Variants in FHIT observed in about 807,000 individuals in gnomAD.
FHIT encodes the protein bis(5'-adenosyl)-triphosphatase.
FHIT carries 19 observed loss-of-function variants against 17.9 expected under a neutral mutation model. The ratio of observed to expected loss-of-function variants is 1.06; its 90% CI spans 0.74 to 1.56. FHIT has a LOEUF of 1.56. Among genes scored for constraint, FHIT ranks in the 40% most tolerant of loss-of-function variants. The pLI is 0.00. For synonymous variants in FHIT, 81 were observed against 69.7 expected (o/e 1.16, Z -0.81); for missense variants, 248 against 189.2 (o/e 1.31, Z -1.82).
chr3:60,546,762 G>T (rs2036380179), intron 4 of FHIT, among the ~76,000 whole-genome samples: 1 of 152,146 alleles, frequency 6.6e-6, no homozygotes, highest in East Asian at 1.9e-4. Context: ...AGAATTCACT[G>T]AACCTTCTAA....
rs57916294 is a variant in FHIT at position 61,093,244 on chromosome 3, G to GGAGA, written c.-163-51149_-163-51146dup. The stretch of plus-strand genomic sequence containing the variant: ...GATAAACGTTTATAATTCTATGTAT[G>GGAGA]GAGAGAGAGAGAGAGAGACTGAGAA... On this transcript the variant is annotated intron_variant, in intron 2 of 9. Transcript: ENST00000492590. 8.0e-5 allele frequency among the ~76,000 whole-genome samples: 12 copies of GGAGA among 150,930 alleles called. No individual in the cohort carries two copies. In the South Asian group the frequency reaches 1.9e-3, roughly 24 times the overall value.
intron 4 of FHIT, among the ~76,000 whole-genome samples, chr3:60,795,511 T>G (rs1300611512): frequency 6.6e-6 from 1 of 151,562 alleles, no homozygotes; most frequent in African/African-American, 2.4e-5. Context: ...GTTTTTTGTT[T>G]TTTTTTTTTT....
chr3:61,216,474 C>T (rs967276095), intron 1 of FHIT, among the ~76,000 whole-genome samples: 1 of 152,164 alleles, frequency 6.6e-6, no homozygotes, highest in Non-Finnish European at 1.5e-5. Context: ...GAATGGCAAT[C>T]ATTAAAAAGT....
chr3:60,848,326 T>C (rs1559768490), intron 3 of FHIT, among the ~76,000 whole-genome samples: 1 of 152,176 alleles, frequency 6.6e-6, no homozygotes, highest in Admixed American at 6.6e-5. Context: ...TACTATCAAA[T>C]TGTACTTTTT....
intron 5 of FHIT, among the ~76,000 whole-genome samples, chr3:60,498,245 T>C (rs1025786630): frequency 2.6e-5 from 4 of 152,224 alleles, no homozygotes; most frequent in Non-Finnish European, 5.9e-5. Flanking sequence ...TTATGTATGT[T>C]TTAATCAGTG....
intron 3 of FHIT, among the ~76,000 whole-genome samples, chr3:60,960,242 G>A (rs926839471): frequency 6.6e-6 from 1 of 152,144 alleles, no homozygotes; most frequent in African/African-American, 2.4e-5. Context: ...TAAGAGCCAA[G>A]AGTCGACTGA....
At chr3:61,249,703 C>A (rs1324424956) in intron 1 of FHIT, among the ~76,000 whole-genome samples, 1 of 152,048 alleles carries the variant, frequency 6.6e-6, no homozygotes, top group Non-Finnish European at 1.5e-5. Context: ...TAAATTATAA[C>A]ACATATATTT....
At chr3:59,757,404 A>C (rs1375001279) in intron 8 of FHIT, among the ~76,000 whole-genome samples, 2 of 152,208 alleles carry the variant, frequency 1.3e-5, no homozygotes, top group African/African-American at 4.8e-5. Context: ...AGGATTTCTG[A>C]CTGAAGAACT....
chr3:60,458,166 A>C (rs1293059894), intron 5 of FHIT, among the ~76,000 whole-genome samples: 11 of 152,156 alleles, frequency 7.2e-5, no homozygotes, highest in Non-Finnish European at 1.5e-4. Flanking sequence ...CACACTAGCA[A>C]AGACTTGGAA....
intron 5 of FHIT, among the ~76,000 whole-genome samples, chr3:60,467,975 A>T: frequency 6.6e-6 from 1 of 152,070 alleles, no homozygotes; most frequent in Non-Finnish European, 1.5e-5. Flanking sequence ...TGAGTGCTCC[A>T]GTGTTGGGTG....
In FHIT at chr3:60,127,246, C is replaced by G. The variant is rs188448533; in HGVS notation, c.104-113094G>C. 3.3e-3 allele frequency among the ~76,000 whole-genome samples: 496 copies of G among 152,296 alleles called. 1 individual carries two copies. Among genetic ancestry groups the G allele is most frequent in the African/African-American group, 0.011 (475 of 41,586 alleles). ...GCTGACAGGCACACAGCTGCACCAA[C>G]TTTATTAATGAGTACCCAGACCTTT... is the stretch of plus-strand genomic sequence containing the variant. On this transcript the variant is annotated intron_variant, in intron 5 of 9. Transcript: ENST00000492590.
intron 5 of FHIT, among the ~76,000 whole-genome samples, chr3:60,528,434 GA>G (rs1186750063): frequency 7.7e-6 from 1 of 129,458 alleles, no homozygotes; most frequent in African/African-American, 3.5e-5. Context: ...AGGAAGGAAG[GA>G]AAAAAGGAAG....
chr3:59,856,602 C>T (rs1702167586), intron 8 of FHIT, among the ~76,000 whole-genome samples: 1 of 152,132 alleles, frequency 6.6e-6, no homozygotes, highest in African/African-American at 2.4e-5. Flanking sequence ...ATTTTATTTC[C>T]AATATACAAG....
intron 3 of FHIT, among the ~76,000 whole-genome samples, chr3:60,844,138 A>C (rs1262505923): frequency 6.6e-6 from 1 of 152,200 alleles, no homozygotes; most frequent in East Asian, 1.9e-4. Context: ...AATAATACAA[A>C]GGCATACTAT....
chr3:61,108,044 T>G (rs2036042965), intron 2 of FHIT, among the ~76,000 whole-genome samples: 1 of 152,236 alleles, frequency 6.6e-6, no homozygotes, highest in Admixed American at 6.5e-5. Context: ...CTAAACTTGA[T>G]CTAACAAACC....
At chr3:60,417,426 A>C (rs1159897609) in intron 5 of FHIT, among the ~76,000 whole-genome samples, 1 of 152,168 alleles carries the variant, frequency 6.6e-6, no homozygotes. Flanking sequence ...CAGTGGGTCC[A>C]TTTGCTGAGA....
At chr3:60,293,228 G>A (rs213377) in intron 5 of FHIT, among the ~76,000 whole-genome samples, 61,751 of 151,900 alleles carry the variant, frequency 0.41, 14,091 homozygotes, top group Non-Finnish European at 0.52. Context: ...TAATTTTAAT[G>A]ATGAAAACAG....
At chr3:60,879,488 T>C (rs1179711055) in intron 3 of FHIT, among the ~76,000 whole-genome samples, 1 of 152,158 alleles carries the variant, frequency 6.6e-6, no homozygotes, top group African/African-American at 2.4e-5. Context: ...TAGACATTGA[T>C]GTAGAAACAC....
At chr3:60,705,374 A>C (rs1577090704) in intron 4 of FHIT, among the ~76,000 whole-genome samples, 1 of 152,208 alleles carries the variant, frequency 6.6e-6, no homozygotes, top group African/African-American at 2.4e-5. Flanking sequence ...TTTCAGAGTC[A>C]GGCAAGCAAA....
Sources: gnomAD v4.1 joint callset for allele counts (sites outside exome capture counted in the v4.1 genomes callset) on GRCh38, gnomAD v4.1.1 for gene constraint, MANE v1.5 for transcripts, NCBI Gene and HGNC (gene_info 2026-07-23, HGNC 2026-07-21) for gene names.